The following DLC1 variants were observed in gnomAD, a reference collection of about 807,000 sequenced individuals.
The protein encoded by DLC1 is DLC1 Rho GTPase activating protein, also known as rho GTPase-activating protein 7.
Under a neutral mutation model 140.3 loss-of-function variants are expected in DLC1, and 54 were observed. That is an observed-to-expected ratio of 0.38 (90% CI 0.31 to 0.48). DLC1 has a LOEUF of 0.48. Among genes scored for constraint, DLC1 ranks in the 20% least tolerant of loss-of-function variants. The pLI, the probability that DLC1 is intolerant of heterozygous loss-of-function variation, is 0.96. For synonymous variants in DLC1, 986 were observed against 728.1 expected, an observed-to-expected ratio of 1.35 and a Z score of -5.70; for missense variants, 2,536 against 1,907.0, an observed-to-expected ratio of 1.33 and a Z score of -6.14.
At chr8:13,289,862 A>G (rs1831690739) in intron 5 of DLC1, among the ~76,000 whole-genome samples, 1 of 152,094 alleles carries the variant, frequency 6.6e-6, no homozygotes, top group African/African-American at 2.4e-5. Context: ...CTGCATATGG[A>G]ATTATTTTAA....
At chr8:13,204,128 T>C (rs1195543654) in intron 5 of DLC1, among the ~76,000 whole-genome samples, 1 of 152,166 alleles carries the variant, frequency 6.6e-6, no homozygotes, top group East Asian at 1.9e-4. Flanking sequence ...GACTGTTCTG[T>C]TAAGGAAAAT....
chr8:13,332,268 G>T (rs1223141724), intron 4 of DLC1, among the ~76,000 whole-genome samples: 1 of 152,222 alleles, frequency 6.6e-6, no homozygotes, highest in East Asian at 1.9e-4. Flanking sequence ...TTTTTATAAA[G>T]ATTGGTTCCT....
chr8:13,367,194 G>A (rs1446640421), intron 4 of DLC1, among the ~76,000 whole-genome samples: 1 of 152,164 alleles, frequency 6.6e-6, no homozygotes, highest in Non-Finnish European at 1.5e-5. Flanking sequence ...TCTGGCTGCT[G>A]TCATACCTTG....
intron 5 of DLC1, chr8:13,214,171 G>A (rs1315018852): frequency 6.4e-6 from 1 of 156,306 alleles, no homozygotes; most frequent in Non-Finnish European, 1.4e-5. Flanking sequence ...TTTCAAGTGT[G>A]GTACACAACA....
At chr8:13,303,638 C>T (rs1303095747) in intron 5 of DLC1, among the ~76,000 whole-genome samples, 4 of 151,978 alleles carry the variant, frequency 2.6e-5, no homozygotes, top group African/African-American at 9.7e-5. Context: ...CCCATCTCTA[C>T]TAAAAATACG....
chr8:13,402,907 C>G (rs371561656), intron 2 of DLC1, among the ~76,000 whole-genome samples: 35 of 152,284 alleles, frequency 2.3e-4, no homozygotes, highest in African/African-American at 6.3e-4. Flanking sequence ...TCTTAAACAG[C>G]AAGAGCAGAT....
intron 5 of DLC1, among the ~76,000 whole-genome samples, chr8:13,152,664 A>G (rs1294478409): frequency 2.0e-5 from 3 of 151,950 alleles, no homozygotes; most frequent in Non-Finnish European, 2.9e-5. Context: ...AAAATTAGCC[A>G]GGGACAGTGG....
At chr8:13,405,917 T>TTTCCTTTC (rs1554514390) in intron 2 of DLC1, among the ~76,000 whole-genome samples, 1 of 84,904 alleles carries the variant, frequency 1.2e-5, no homozygotes, top group Non-Finnish European at 2.3e-5. Flanking sequence ...CTTTCTTTTC[T>TTTCCTTTC]TTTCTTTCTT....
intron 5 of DLC1, among the ~76,000 whole-genome samples, chr8:13,181,094 A>G (rs1233220562): frequency 6.6e-6 from 1 of 151,912 alleles, no homozygotes; most frequent in African/African-American, 2.4e-5. Flanking sequence ...CCTTTTCTCC[A>G]ACTGCCCTTT....
chr8:13,302,117 C>T (rs914825599), intron 5 of DLC1, among the ~76,000 whole-genome samples: 1 of 152,220 alleles, frequency 6.6e-6, no homozygotes, highest in African/African-American at 2.4e-5. Flanking sequence ...TAAGAAGGCA[C>T]ATTCTCATCC....
chr8:13,403,235 A>G (rs989481134), intron 2 of DLC1, among the ~76,000 whole-genome samples: 1 of 152,190 alleles, frequency 6.6e-6, no homozygotes, highest in African/African-American at 2.4e-5. Context: ...TTTTTTTGTC[A>G]TCATAAACTA....
chr8:13,238,590 C>T (rs1191919254), intron 5 of DLC1, among the ~76,000 whole-genome samples: 1 of 151,624 alleles, frequency 6.6e-6, no homozygotes, highest in African/African-American at 2.4e-5. Flanking sequence ...GGGAAGTTAT[C>T]AGTACCCTTT....
At chr8:13,338,205 G>A (rs1187209314) in intron 4 of DLC1, among the ~76,000 whole-genome samples, 1 of 152,176 alleles carries the variant, frequency 6.6e-6, no homozygotes, top group Non-Finnish European at 1.5e-5. Flanking sequence ...CTTGGGGACT[G>A]GGATGATAAT....
chr8:13,330,140 T>G (rs1294761976), intron 4 of DLC1, among the ~76,000 whole-genome samples: 1 of 152,096 alleles, frequency 6.6e-6, no homozygotes, highest in Admixed American at 6.5e-5. Context: ...AATTTTAAAT[T>G]TTTTTGTAGA....
At chr8:13,503,450 A>G (rs1281000287) in intron 1 of DLC1, among the ~76,000 whole-genome samples, 1 of 152,164 alleles carries the variant, frequency 6.6e-6, no homozygotes, top group Non-Finnish European at 1.5e-5. Context: ...AATTGGAGAC[A>G]TTCTAGTTTG....
intron 5 of DLC1, among the ~76,000 whole-genome samples, chr8:13,142,447 G>A (rs1472650410): frequency 6.6e-6 from 1 of 152,090 alleles, no homozygotes; most frequent in African/African-American, 2.4e-5. Context: ...CAACACAGAG[G>A]ATTAGAAAAG....
intron 2 of DLC1, among the ~76,000 whole-genome samples, chr8:13,487,633 G>A (rs1001623589): frequency 1.3e-5 from 2 of 151,694 alleles, no homozygotes; most frequent in Middle Eastern, 3.4e-3. Context: ...GAGTGCAATG[G>A]CGTGAGTTCG....
chr8:13,142,332 A>G (rs1823066828), intron 5 of DLC1, among the ~76,000 whole-genome samples: 1 of 152,222 alleles, frequency 6.6e-6, no homozygotes, highest in Non-Finnish European at 1.5e-5. Flanking sequence ...AAAGGATTAG[A>G]TCTGATCTCT....
At chr8:13,354,885 A>T (rs1362123953) in intron 4 of DLC1, among the ~76,000 whole-genome samples, 5 of 150,492 alleles carry the variant, frequency 3.3e-5, no homozygotes, top group African/African-American at 1.2e-4. Flanking sequence ...GGATACTGAT[A>T]TTGAGGCTGC....
Sources: allele counts gnomAD v4.1 joint callset (sites outside exome capture counted in the v4.1 genomes callset), GRCh38; gene constraint gnomAD v4.1.1; transcripts MANE v1.5; gene names NCBI Gene and HGNC (gene_info 2026-07-23, HGNC 2026-07-21).